Variants in PDE1C observed in about 807,000 individuals in gnomAD.
The protein encoded by PDE1C is dual specificity calcium/calmodulin-dependent 3',5'-cyclic nucleotide phosphodiesterase 1C.
In PDE1C, 62 loss-of-function variants were observed where a neutral mutation model predicts 93.1. The observed-to-expected ratio is 0.67, with a 90% CI of 0.54 to 0.82. PDE1C has a LOEUF of 0.82. PDE1C is among the 40% of genes least tolerant of loss of function. The pLI is 0.00. For missense variants in PDE1C, 742 were observed against 884.6 expected (o/e 0.84, Z 2.04); for synonymous variants, 325 against 310.1 (o/e 1.05, Z -0.50).
chr7:32,036,551 A>G (rs1374462052), intron 2 of PDE1C, among the ~76,000 whole-genome samples: 1 of 152,200 alleles, frequency 6.6e-6, no homozygotes, highest in Admixed American at 6.5e-5. Context: ...AAAAACATTA[A>G]TAAAAGTAAT....
chr7:31,742,469 G>A, the PDE1C span, among the ~76,000 whole-genome samples: 1 of 152,244 alleles, frequency 6.6e-6, no homozygotes, highest in Non-Finnish European at 1.5e-5. Context: ...TTGGGAGGCT[G>A]AGGCGGGAGG....
intron 2 of PDE1C, among the ~76,000 whole-genome samples, chr7:31,954,098 C>A (rs1382792464): frequency 1.3e-5 from 2 of 152,210 alleles, no homozygotes; most frequent in Admixed American, 1.3e-4. Flanking sequence ...TAATGATCTA[C>A]CAAAGGTTCA....
chr7:31,996,066 GACAC>G (rs3078631), intron 2 of PDE1C, among the ~76,000 whole-genome samples: 4,748 of 138,586 alleles, frequency 0.034, 115 homozygotes, highest in South Asian at 0.096. Flanking sequence ...TACGCTTCCG[GACAC>G]ACACACACAC....
chr7:32,313,761 G>A (rs1783108056), intron 1 of PDE1C, among the ~76,000 whole-genome samples: 2 of 145,524 alleles, frequency 1.4e-5, no homozygotes, highest in Admixed American at 1.4e-4. Context: ...CATGAGGTGG[G>A]GGGGAGGGGG....
At chr7:32,426,039 C>A (rs1410032702) in intron 1 of PDE1C, among the ~76,000 whole-genome samples, 1 of 152,144 alleles carries the variant, frequency 6.6e-6, no homozygotes, top group African/African-American at 2.4e-5. Context: ...ATATCTCCCA[C>A]ACACAAAAAA....
intron 1 of PDE1C, among the ~76,000 whole-genome samples, chr7:32,403,253 C>G (rs1784986411): frequency 6.6e-6 from 1 of 152,196 alleles, no homozygotes; most frequent in Non-Finnish European, 1.5e-5. Context: ...GGAAAGATCA[C>G]TAGCCAGGAG....
chr7:32,057,152 C>T (rs542293937), intron 1 of PDE1C, among the ~76,000 whole-genome samples: 7 of 152,292 alleles, frequency 4.6e-5, no homozygotes, highest in South Asian at 2.1e-4. Context: ...CAAAGAAAGT[C>T]CTTTTTATCA....
chr7:32,071,273 G>T (rs1291507157), upstream of PDE1C: 6 of 985,362 alleles, frequency 6.1e-6, no homozygotes, highest in Non-Finnish European at 7.2e-6. Flanking sequence ...CGGGGCCAGG[G>T]CACGCAGAAG....
chr7:32,060,468 A>G (rs1212285495), intron 1 of PDE1C, among the ~76,000 whole-genome samples: 1 of 152,192 alleles, frequency 6.6e-6, no homozygotes, highest in Non-Finnish European at 1.5e-5. Context: ...AGCATCATCT[A>G]TGTAAGCCTC....
At chr7:32,368,339 T>TCAC (rs1482911541) in intron 1 of PDE1C, among the ~76,000 whole-genome samples, 2 of 152,058 alleles carry the variant, frequency 1.3e-5, no homozygotes, top group African/African-American at 4.8e-5. Flanking sequence ...CAGAAATCAG[T>TCAC]GGTGTTTCTA....
intron 2 of PDE1C, among the ~76,000 whole-genome samples, chr7:31,882,260 C>T (rs1352442308): frequency 6.6e-6 from 1 of 152,166 alleles, no homozygotes; most frequent in Admixed American, 6.5e-5. Flanking sequence ...GAGGCCCCTG[C>T]AGGCTTGGAG....
chr7:31,972,014 G>A (rs1197865290), intron 2 of PDE1C, among the ~76,000 whole-genome samples: 1 of 152,104 alleles, frequency 6.6e-6, no homozygotes, highest in African/African-American at 2.4e-5. Context: ...AAATCTCTTG[G>A]ACCATCTGAA....
intron 1 of PDE1C, among the ~76,000 whole-genome samples, chr7:32,347,985 C>G (rs1202846258): frequency 6.6e-6 from 1 of 152,116 alleles, no homozygotes; most frequent in African/African-American, 2.4e-5. Context: ...TACATTTAAC[C>G]ACACAAAGGA....
At chr7:32,124,082 T>C (rs1214407074) in intron 3 of PDE1C, among the ~76,000 whole-genome samples, 2 of 152,108 alleles carry the variant, frequency 1.3e-5, no homozygotes, top group Non-Finnish European at 2.9e-5. Flanking sequence ...GACAGCCAAA[T>C]CATGAATGAA....
At chr7:32,037,867 A>T (rs1231556354) in intron 2 of PDE1C, among the ~76,000 whole-genome samples, 1 of 152,186 alleles carries the variant, frequency 6.6e-6, no homozygotes, top group Non-Finnish European at 1.5e-5. Flanking sequence ...GAAGAGTCTG[A>T]GAGTGGAGTC....
chr7:32,297,121 AG>A (rs1460445159), intron 1 of PDE1C, among the ~76,000 whole-genome samples: 2 of 152,190 alleles, frequency 1.3e-5, no homozygotes, highest in East Asian at 3.9e-4. Flanking sequence ...TCCTGCCTGC[AG>A]GAACAGCCTA....
At chr7:32,157,908 C>A (rs1801680515) in intron 3 of PDE1C, among the ~76,000 whole-genome samples, 1 of 152,122 alleles carries the variant, frequency 6.6e-6, no homozygotes, top group Admixed American at 6.5e-5. Context: ...AATGCAAAAG[C>A]ATTTCTTAAA....
intron 2 of PDE1C, among the ~76,000 whole-genome samples, chr7:31,918,149 A>G (rs771378005): frequency 2.0e-4 from 30 of 152,112 alleles, no homozygotes; most frequent in Non-Finnish European, 1.3e-4. Context: ...TAACATGTTC[A>G]TTTTCTATTT....
upstream of PDE1C, among the ~76,000 whole-genome samples, chr7:32,075,698 C>G (rs1357287752): frequency 1.3e-5 from 2 of 152,084 alleles, no homozygotes; most frequent in East Asian, 3.9e-4. Context: ...ACTACATTAC[C>G]AAGTAGTGGC....
Sources: allele counts gnomAD v4.1 joint callset (sites outside exome capture counted in the v4.1 genomes callset), GRCh38; gene constraint gnomAD v4.1.1; transcripts MANE v1.5; gene names NCBI Gene and HGNC (gene_info 2026-07-23, HGNC 2026-07-21).